ATP2B2: variants seen among roughly 807,000 people sequenced by gnomAD.
ATP2B2 encodes the protein ATPase plasma membrane Ca2+ transporting 2.
In ATP2B2, 15 loss-of-function variants were observed where a neutral mutation model predicts 120.0. The ratio of observed to expected loss-of-function variants is 0.12; its 90% CI spans 0.08 to 0.19. The LOEUF (loss-of-function observed/expected upper bound fraction) is 0.19, where lower values mean the gene tolerates loss of function less well. Among genes scored for constraint, ATP2B2 ranks in the 10% least tolerant of loss-of-function variants. The pLI is 1.00. For missense variants in ATP2B2, 1,045 were observed against 1,719.8 expected, an observed-to-expected ratio of 0.61 and a Z score of 6.94; for synonymous variants, 694 against 700.3, an observed-to-expected ratio of 0.99 and a Z score of 0.14.
At chr3:10,631,744 A>C (rs2069870656) in intron 1 of ATP2B2, among the ~76,000 whole-genome samples, 1 of 152,226 alleles carries the variant, frequency 6.6e-6, no homozygotes. Flanking sequence ...AGCGTCCCCT[A>C]CATGCTAAGA....
intron 1 of ATP2B2, among the ~76,000 whole-genome samples, chr3:10,475,584 C>T (rs1258031257): frequency 6.6e-6 from 1 of 152,220 alleles, no homozygotes; most frequent in Non-Finnish European, 1.5e-5. Flanking sequence ...TGCTCTGGGA[C>T]TCAGTTTCTT....
intron 3 of ATP2B2, among the ~76,000 whole-genome samples, chr3:10,517,753 C>T (rs574462100): frequency 2.0e-5 from 3 of 152,340 alleles, no homozygotes; most frequent in Admixed American, 6.5e-5. Context: ...TGCACAGTCT[C>T]GCACCAGGCA....
Position 10,346,155 on chromosome 3 carries a change from T to A in ATP2B2, c.2405-18A>T, listed in dbSNP as rs771742867. 1 of 1,607,196 alleles carries A rather than the reference T, an allele frequency of 6.2e-7. No individual in the cohort carries two copies. The highest frequency in any genetic ancestry group is 8.5e-7 in the Non-Finnish European group (1 of 1,179,190). On this transcript the variant is annotated intron_variant, in intron 16 of 22. Transcript: ENST00000360273. This position sits in a 1 kb window ranked among gnomAD's most constrained non-coding sequence, Gnocchi z 4.1. ...GATGATGCCTGTTGGGGCAGGAGTG[T>A]GCTCAGGCCCTGGGCCACTCAGGTG... is the stretch of plus-strand genomic sequence containing the variant.
rs1445110858 is a variant in ATP2B2, at chr3:10,327,889, C to G, written c.*925G>C. ...CAGGCAAAAATCAGAGCATGGCTATCATAAAACATCCAGGATGCAACCCAG... is the reference window on the plus strand; with the variant it reads ...CAGGCAAAAATCAGAGCATGGCTATGATAAAACATCCAGGATGCAACCCAG... On this transcript the variant is annotated 3_prime_UTR_variant, in exon 23 of 23. Coordinates refer to ENST00000360273, the MANE Select transcript of ATP2B2 (RefSeq NM_001001331.4). 1 of 152,658 alleles carries G rather than the reference C, an allele frequency of 6.6e-6. No homozygotes were observed. The highest frequency in any genetic ancestry group is 1.5e-5 in the Non-Finnish European group (1 of 68,042). 9.5% of individuals were successfully genotyped at this position (152,658 alleles called of 1,614,324 possible).
chr3:10,639,157 C>G (rs1234897955), intron 1 of ATP2B2, among the ~76,000 whole-genome samples: 3 of 152,062 alleles, frequency 2.0e-5, no homozygotes, highest in Non-Finnish European at 4.4e-5. Context: ...ATAAATTGGG[C>G]TTCATCAAAA....
At chr3:10,413,175 A>C (rs528546822) in intron 2 of ATP2B2, among the ~76,000 whole-genome samples, 178 of 152,332 alleles carry the variant, frequency 1.2e-3, no homozygotes, top group Non-Finnish European at 2.3e-3. Flanking sequence ...TGTGATGTGC[A>C]TGCAACAGAC....
intron 1 of ATP2B2, among the ~76,000 whole-genome samples, chr3:10,467,935 T>G (rs1227534229): frequency 6.6e-6 from 1 of 152,064 alleles, no homozygotes; most frequent in Non-Finnish European, 1.5e-5. Flanking sequence ...TAAGCCGAGG[T>G]GCAGGGAGGT....
chr3:10,617,070 T>C (rs1012672560), intron 2 of ATP2B2, among the ~76,000 whole-genome samples: 1 of 152,250 alleles, frequency 6.6e-6, no homozygotes, highest in Non-Finnish European at 1.5e-5. Flanking sequence ...TTGCCACAAC[T>C]GACTCCCAGT....
At chr3:10,458,435 G>A (rs2064355876) in intron 1 of ATP2B2, among the ~76,000 whole-genome samples, 1 of 149,316 alleles carries the variant, frequency 6.7e-6, no homozygotes, top group African/African-American at 2.5e-5. Context: ...TGACTATGAT[G>A]AACAGCAGGA....
intron 6 of ATP2B2, among the ~76,000 whole-genome samples, chr3:10,386,798 C>T (rs2061694620): frequency 6.6e-6 from 1 of 152,220 alleles, no homozygotes; most frequent in South Asian, 2.1e-4. Context: ...CATTCCCCAT[C>T]TTCCTTCTAC....
intron 1 of ATP2B2, among the ~76,000 whole-genome samples, chr3:10,474,634 C>T (rs1199703368): frequency 2.0e-5 from 3 of 152,244 alleles, no homozygotes; most frequent in Admixed American, 6.5e-5. Flanking sequence ...CACACGCCTG[C>T]CTGCTTCTTC....
chr3:10,669,794 C>A (rs1030985032), intron 1 of ATP2B2, among the ~76,000 whole-genome samples: 1 of 152,122 alleles, frequency 6.6e-6, no homozygotes, highest in African/African-American at 2.4e-5. Flanking sequence ...GGAACACATG[C>A]CACACTTATG....
At chr3:10,356,941 C>A (rs1264100370) in intron 14 of ATP2B2, among the ~76,000 whole-genome samples, 1 of 151,238 alleles carries the variant, frequency 6.6e-6, no homozygotes, top group Non-Finnish European at 1.5e-5. Flanking sequence ...CACAATGACA[C>A]CCCCAAGGAG....
At chr3:10,526,643 C>T (rs1017349744) in intron 3 of ATP2B2, among the ~76,000 whole-genome samples, 2 of 152,064 alleles carry the variant, frequency 1.3e-5, no homozygotes, top group African/African-American at 4.8e-5. Context: ...ATGAAGTCAG[C>T]GGGAGCTGTC....
At chr3:10,390,515 T>C (rs2061816987) in intron 5 of ATP2B2, among the ~76,000 whole-genome samples, 1 of 151,718 alleles carries the variant, frequency 6.6e-6, no homozygotes, top group African/African-American at 2.4e-5. Context: ...TGTGTGTGTG[T>C]GTGTGTGTGC....
At chr3:10,517,497 T>C (rs1009021657) in intron 3 of ATP2B2, among the ~76,000 whole-genome samples, 1 of 152,154 alleles carries the variant, frequency 6.6e-6, no homozygotes, top group Admixed American at 6.5e-5. Context: ...CTTTTTTCTC[T>C]CCCCTTCAGC....
chr3:10,576,776 A>G (rs566671121), intron 2 of ATP2B2, among the ~76,000 whole-genome samples: 1 of 152,096 alleles, frequency 6.6e-6, no homozygotes, highest in Non-Finnish European at 1.5e-5. Flanking sequence ...ACAATATAAG[A>G]AGCTGGGGCC....
At chr3:10,680,063 C>T (rs1488168559) in intron 1 of ATP2B2, among the ~76,000 whole-genome samples, 1 of 152,144 alleles carries the variant, frequency 6.6e-6, no homozygotes, top group South Asian at 2.1e-4. Context: ...AGTAGGTGCT[C>T]AGTAAACATT....
intron 1 of ATP2B2, among the ~76,000 whole-genome samples, chr3:10,455,961 A>C (rs2064242845): frequency 6.6e-6 from 1 of 152,168 alleles, no homozygotes; most frequent in African/African-American, 2.4e-5. Context: ...ACAATATTGG[A>C]TTTATGCATT....
Sources: allele counts gnomAD v4.1 joint callset (sites outside exome capture counted in the v4.1 genomes callset), GRCh38; gene constraint gnomAD v4.1.1; non-coding constraint Gnocchi (gnomAD v3.1); transcripts MANE v1.5; gene names NCBI Gene and HGNC (gene_info 2026-07-23, HGNC 2026-07-21).